ZBTB20: variants seen among roughly 807,000 people sequenced by gnomAD.
ZBTB20 encodes zinc finger and BTB domain containing 20.
Under a neutral mutation model 56.9 loss-of-function variants are expected in ZBTB20, and 9 were observed. The observed-to-expected ratio is 0.16, with a 90% CI of 0.10 to 0.28. The LOEUF (loss-of-function observed/expected upper bound fraction) is 0.28, where lower values mean the gene tolerates loss of function less well. ZBTB20 is among the 10% of genes least tolerant of loss of function. The pLI, the probability that ZBTB20 is intolerant of heterozygous loss-of-function variation, is 1.00. For missense variants in ZBTB20, 655 were observed against 1,003.0 expected, an observed-to-expected ratio of 0.65 and a Z score of 4.69; for synonymous variants, 417 against 420.7, an observed-to-expected ratio of 0.99 and a Z score of 0.11.
intron 2 of ZBTB20, among the ~76,000 whole-genome samples, chr3:115,035,359 AAAACACAAC>A (rs2080870462): frequency 6.6e-6 from 1 of 152,134 alleles, no homozygotes; most frequent in African/African-American, 2.4e-5. Flanking sequence ...AGAACTCCTA[AAAACACAAC>A]AACAAAAATC....
At position 114,321,181 on chromosome 3, in the gene ZBTB20, GACTTTTCTAGTAACATAT is replaced by G. The variant is rs2078881018; in HGVS notation, c.*17806_*17823del. 1.3e-5 allele frequency: 2 copies of G among 152,186 alleles called. No homozygotes were observed. The highest frequency in any genetic ancestry group is 4.8e-5 in the African/African-American group (2 of 41,446). The allele number at this position is 152,186 out of a possible 1,614,324, so 9.4% of individuals were successfully genotyped here. A position where few individuals can be genotyped will look rare whatever the true frequency, so the allele number is the denominator to read the frequency against. On this transcript the variant is annotated 3_prime_UTR_variant, in exon 12 of 12. Coordinates refer to ENST00000675478, the MANE Select transcript of ZBTB20 (RefSeq NM_001348800.3). Reference sequence around the variant, plus strand: ...AAAGAGAGAAACCAAGGAACCAAATGACTTTTCTAGTAACATATAATATATGAGATGAAATATAATTCT... The same window carrying G: ...AAAGAGAGAAACCAAGGAACCAAATGAATATATGAGATGAAATATAATTCT...
At chr3:114,805,878 T>C (rs962162063) in intron 4 of ZBTB20, among the ~76,000 whole-genome samples, 4 of 151,826 alleles carry the variant, frequency 2.6e-5, no homozygotes, top group Admixed American at 6.6e-5. Flanking sequence ...TTTTCACTTA[T>C]CATAATTCAT....
chr3:115,069,852 CAA>C (rs760306223), intron 2 of ZBTB20, among the ~76,000 whole-genome samples: 3 of 133,328 alleles, frequency 2.3e-5, no homozygotes, highest in African/African-American at 2.8e-5. Flanking sequence ...TCCTCATATA[CAA>C]AAAAAAAAAA....
chr3:114,825,086 T>C (rs78663481), intron 4 of ZBTB20, among the ~76,000 whole-genome samples: 1,707 of 152,024 alleles, frequency 0.011, 25 homozygotes, highest in African/African-American at 0.039. Flanking sequence ...TCCTCTACCA[T>C]CTTTACTGAC....
chr3:115,044,823 A>G (rs367689824), intron 2 of ZBTB20, among the ~76,000 whole-genome samples: 7 of 152,336 alleles, frequency 4.6e-5, no homozygotes, highest in African/African-American at 1.7e-4. Context: ...CACTATGTGG[A>G]TATTGTGAGA....
chr3:114,592,423 G>C (rs1235901680), intron 6 of ZBTB20, among the ~76,000 whole-genome samples: 1 of 152,194 alleles, frequency 6.6e-6, no homozygotes, highest in Non-Finnish European at 1.5e-5. Flanking sequence ...TGGAATAAAA[G>C]TTAGAGTTCT....
chr3:114,934,761 T>C (rs1276167921), intron 3 of ZBTB20, among the ~76,000 whole-genome samples: 1 of 152,180 alleles, frequency 6.6e-6, no homozygotes, highest in East Asian at 1.9e-4. Flanking sequence ...CAGGAATCCA[T>C]TGTTCAGTTA....
chr3:114,797,219 TA>T (rs1318820041), intron 5 of ZBTB20, among the ~76,000 whole-genome samples: 1 of 151,686 alleles, frequency 6.6e-6, no homozygotes. Context: ...TGATGTGCTT[TA>T]AAAAATATTT....
chr3:114,766,139 T>C (rs1418145617), intron 5 of ZBTB20, among the ~76,000 whole-genome samples: 1 of 152,056 alleles, frequency 6.6e-6, no homozygotes, highest in African/African-American at 2.4e-5. Flanking sequence ...TTCATCCAGA[T>C]GAGAAGTTAA....
rs570880611 is a variant in ZBTB20, at chr3:114,807,370, G to A, written c.-416-6196C>T. ...AGTTTTACTTTTTAATTTCCAATCT[G>A]TATGCCACTGATTGTTTCTTTCTGC... On this transcript the variant is annotated intron_variant, in intron 4 of 11. Coordinates refer to ENST00000675478, the MANE Select transcript of ZBTB20 (RefSeq NM_001348800.3). Among the ~76,000 whole-genome samples the A allele has an allele frequency of 2.6e-5, 4 of 151,802 alleles. No individual in the cohort carries two copies. In the South Asian group the frequency reaches 6.2e-4, roughly 24 times the overall value.
At position 114,905,505 on chromosome 3, in the gene ZBTB20, A is replaced by G. The variant is rs188454990; in HGVS notation, c.-455-5163T>C. Among the ~76,000 whole-genome samples the G allele has an allele frequency of 6.1e-4, 93 of 151,972 alleles. No individual in the cohort carries two copies. The East Asian group carries it at 0.017, about 27-fold the overall frequency. The stretch of plus-strand genomic sequence containing the variant: ...GCATTTGTATCTTATTCACCATTAC[A>G]TCTGTAGTTTTTACTTAGCACAGTA... On this transcript the variant is annotated intron_variant, in intron 3 of 11. Transcript: ENST00000675478.
At chr3:114,615,597 G>A (rs2107719814) in intron 6 of ZBTB20, among the ~76,000 whole-genome samples, 1 of 152,302 alleles carries the variant, frequency 6.6e-6, no homozygotes, top group South Asian at 2.1e-4. Context: ...TCTGAACTTT[G>A]TTGGGGAGTT....
At chr3:115,070,932 A>C (rs990669114) in intron 2 of ZBTB20, among the ~76,000 whole-genome samples, 10 of 152,034 alleles carry the variant, frequency 6.6e-5, no homozygotes, top group African/African-American at 2.4e-4. Context: ...TCGGGCAGTT[A>C]CTACTTATGT....
intron 3 of ZBTB20, among the ~76,000 whole-genome samples, chr3:114,969,420 C>G (rs1487892598): frequency 2.0e-5 from 3 of 151,834 alleles, no homozygotes; most frequent in Non-Finnish European, 2.9e-5. Flanking sequence ...TCCAAAAGTA[C>G]ACAATTATAC....
chr3:114,591,816 G>C (rs1008720556), intron 6 of ZBTB20, among the ~76,000 whole-genome samples: 9 of 152,082 alleles, frequency 5.9e-5, no homozygotes, highest in African/African-American at 2.2e-4. Context: ...CTCTCAAATT[G>C]TTGTTATTTG....
At chr3:114,851,181 C>T (rs1403216124) in intron 4 of ZBTB20, among the ~76,000 whole-genome samples, 1 of 152,132 alleles carries the variant, frequency 6.6e-6, no homozygotes, top group Non-Finnish European at 1.5e-5. Flanking sequence ...CAAGAAAAAA[C>T]AGAAATCTAG....
At chr3:115,101,540 A>AGTCT (rs1311981088) in intron 1 of ZBTB20, among the ~76,000 whole-genome samples, 4 of 152,256 alleles carry the variant, frequency 2.6e-5, no homozygotes, top group African/African-American at 9.6e-5. Flanking sequence ...AATTTTTAAA[A>AGTCT]ACTAGACTCT....
intron 3 of ZBTB20, among the ~76,000 whole-genome samples, chr3:114,938,656 A>G (rs2076628815): frequency 6.9e-6 from 1 of 145,336 alleles, no homozygotes; most frequent in Non-Finnish European, 1.5e-5. Flanking sequence ...GGAACATCAC[A>G]CATTGGGGCC....
intron 6 of ZBTB20, among the ~76,000 whole-genome samples, chr3:114,508,399 AG>A (rs2044907011): frequency 6.6e-6 from 1 of 152,176 alleles, no homozygotes; most frequent in South Asian, 2.1e-4. Context: ...ATTCATTTAA[AG>A]CAGTTTGCCA....
Sources: allele counts gnomAD v4.1 joint callset (sites outside exome capture counted in the v4.1 genomes callset), GRCh38; gene constraint gnomAD v4.1.1; transcripts MANE v1.5; gene names NCBI Gene and HGNC (gene_info 2026-07-23, HGNC 2026-07-21).